Variants in VPS54 observed in about 807,000 individuals in gnomAD.
VPS54 encodes vacuolar protein sorting-associated protein 54.
A neutral mutation model predicts 121.5 loss-of-function variants in VPS54; 45 were observed. The ratio of observed to expected loss-of-function variants is 0.37; its 90% CI spans 0.29 to 0.47. The LOEUF is 0.47. VPS54 is among the 20% of genes least tolerant of loss of function. The pLI is 0.99. For synonymous variants in VPS54, 371 were observed against 385.8 expected (o/e 0.96, Z 0.45); for missense variants, 1,090 against 1,131.4 (o/e 0.96, Z 0.52).
In VPS54 at chr2:63,981,700, G is replaced by A. The variant is rs1355657326; in HGVS notation, c.324C>T (p.Tyr108=). 3 of 1,613,166 alleles carry A rather than the reference G, an allele frequency of 1.9e-6. No homozygotes were observed. Among genetic ancestry groups the A allele is most frequent in the Middle Eastern group, 1.7e-4 (1 of 6,054 alleles). ...FVDTEVIPSF[Y]LPQISKEHFT... is the part of the protein sequence containing the mutation. ...AATGTTCCTTGCTGATCTGTGGGAG[G>A]TAGAATGAAGGTATGACTTCAGTGT... is the stretch of plus-strand genomic sequence containing the variant. The change falls in exon 3 of 23, where the codon TAC becomes TAT. Residue 108 remains tyrosine (Y), a synonymous_variant. Coordinates refer to ENST00000272322, the MANE Select transcript of VPS54 (RefSeq NM_016516.3).
At chr2:63,924,422 A>G (rs1297085665) in intron 12 of VPS54, among the ~76,000 whole-genome samples, 4 of 152,248 alleles carry the variant, frequency 2.6e-5, no homozygotes. Flanking sequence ...GGTAACAGAG[A>G]ACTAAGAAAT....
At position 63,981,875 on chromosome 2, in the gene VPS54, C is replaced by T; in HGVS notation, c.149G>A (p.Ser50Asn). ...AACTAGAGATGGGGCAACATATAAA[C>T]TATGTGAATCACCTGCAAAAAGTAA... ...CPKEPTGDSH[S>N]LYVAPSLVTD... Residue 50 changes from serine (S) to asparagine (N), a missense_variant, in exon 3 of 23, where the codon AGT (serine) becomes AAT (asparagine). Ser to Asn is a conservative substitution (Grantham distance 46). This residue lies in a region of VPS54 where 801 missense variants were observed against 757.0 expected (regional missense o/e 1.06). Transcript: ENST00000272322. 6.2e-7 allele frequency: 1 copy of T among 1,610,100 alleles called. No individual in the cohort carries two copies. The highest frequency in any genetic ancestry group is 1.1e-5 in the South Asian group (1 of 90,290).
chr2:63,933,267 A>T (rs961989015), intron 12 of VPS54, among the ~76,000 whole-genome samples: 1 of 151,646 alleles, frequency 6.6e-6, no homozygotes, highest in Non-Finnish European at 1.5e-5. Context: ...TATAAATCAA[A>T]CAGATCTTCA....
intron 2 of VPS54, among the ~76,000 whole-genome samples, chr2:63,982,470 T>A (rs575898353): frequency 1.3e-5 from 2 of 152,214 alleles, no homozygotes; most frequent in Non-Finnish European, 2.9e-5. Context: ...CCACTGCTTG[T>A]AGGGAAACTA....
Position 63,955,850 on chromosome 2 carries a change from C to T in VPS54, c.1010+6208G>A, listed in dbSNP as rs867662360. 2.6e-5 allele frequency among the ~76,000 whole-genome samples: 4 copies of T among 151,946 alleles called. No homozygotes were observed. In the South Asian group the frequency reaches 6.2e-4, roughly 24 times the overall value. On this transcript the variant is annotated intron_variant, in intron 7 of 22. Coordinates refer to ENST00000272322, the MANE Select transcript of VPS54 (RefSeq NM_016516.3). ...ATAATGATGTATGCATTATTATTAA[C>T]CTTAACAAAAATATTTAAGATAAAT...
intron 1 of VPS54, among the ~76,000 whole-genome samples, chr2:63,993,894 C>A (rs1457157153): frequency 6.6e-6 from 1 of 152,194 alleles, no homozygotes; most frequent in Non-Finnish European, 1.5e-5. Context: ...TATACCTCTG[C>A]TCAAAAGGCA....
chr2:63,902,563 A>G (rs1032853124), intron 20 of VPS54, among the ~76,000 whole-genome samples: 2 of 152,214 alleles, frequency 1.3e-5, no homozygotes, highest in African/African-American at 4.8e-5. Context: ...ATTAAAAAAA[A>G]AACAAAATAT....
rs201054784 is a variant in VPS54, at chr2:63,972,191, G to A, written c.432C>T (p.Phe144=). 35 of 1,589,078 alleles carry A rather than the reference G, an allele frequency of 2.2e-5. No homozygotes were observed. Among genetic ancestry groups the A allele is most frequent in the East Asian group, 1.6e-4 (7 of 44,478 alleles). ...CATGAGTATGTAAAAGAGTCCTTTC[G>A]AAGGTATCTTTAGGAGGACAAATAT... The part of the protein sequence containing the change: ...CKNICPPKDT[F]ERTLLHTHDK... The change falls in exon 4 of 23, where the codon TTC becomes TTT. Residue 144 remains phenylalanine, a synonymous_variant. Coordinates refer to ENST00000272322, the MANE Select transcript of VPS54 (RefSeq NM_016516.3).
rs370421250 is a variant in VPS54 at position 63,947,347 on chromosome 2, C to G, written c.1245+36G>C. 7 of 1,489,684 alleles carry G rather than the reference C, an allele frequency of 4.7e-6. No homozygotes were observed. The African/African-American group carries it at 8.4e-5, about 18-fold the overall frequency. The allele number at this position is 1,489,684 out of a possible 1,614,324, so 92.3% of individuals were successfully genotyped here. A position where few individuals can be genotyped will look rare whatever the true frequency, so the allele number is the denominator to read the frequency against. On this transcript the variant is annotated intron_variant, in intron 9 of 22. Transcript: ENST00000272322. ...ATAAAAATAAACTTCACAAAGGTTC[C>G]AGACCAAAATATGTCAAATAAAAAT...
intron 4 of VPS54, among the ~76,000 whole-genome samples, chr2:63,970,306 T>TATAA (rs1676224377): frequency 7.1e-6 from 1 of 141,230 alleles, no homozygotes; most frequent in African/African-American, 2.8e-5. Context: ...TATATATAGA[T>TATAA]ATAGATAAAA....
intron 3 of VPS54, chr2:63,975,653 A>G (rs893576408): frequency 6.6e-6 from 1 of 152,158 alleles, no homozygotes; most frequent in African/African-American, 2.4e-5. Flanking sequence ...TGACCTGACC[A>G]ATCAGCACTG....
intron 20 of VPS54, among the ~76,000 whole-genome samples, chr2:63,903,625 C>G (rs1672781118): frequency 6.6e-6 from 1 of 151,898 alleles, no homozygotes; most frequent in Non-Finnish European, 1.5e-5. Flanking sequence ...AATAATAGCA[C>G]ACAGCAGGAG....
rs116539458 is a variant in VPS54 at position 64,013,205 on chromosome 2, C to T, written c.-21+5733G>A. ...TATAGTGATAGCCTGAAATCATGTGCCTCCTGATGTAATACAGCAGAAATA... is the reference window on the plus strand; with the variant it reads ...TATAGTGATAGCCTGAAATCATGTGTCTCCTGATGTAATACAGCAGAAATA... On this transcript the variant is annotated intron_variant, in intron 1 of 22. Coordinates refer to ENST00000272322, the MANE Select transcript of VPS54 (RefSeq NM_016516.3). Among the ~76,000 whole-genome samples the T allele has an allele frequency of 3.4e-3, 525 of 152,288 alleles. 9 individuals are homozygous for T. The highest frequency in any genetic ancestry group is 0.012 in the African/African-American group (499 of 41,554).
intron 9 of VPS54, among the ~76,000 whole-genome samples, chr2:63,945,399 G>A (rs190111834): frequency 1.7e-3 from 263 of 152,290 alleles, no homozygotes; most frequent in Middle Eastern, 3.4e-3. Flanking sequence ...GGAGAGTGGA[G>A]GGTGGGAGGA....
chr2:63,913,912 G>C (rs1026271803), intron 17 of VPS54: 13 of 1,212,100 alleles, frequency 1.1e-5, no homozygotes, highest in Non-Finnish European at 1.3e-5. Flanking sequence ...AGTGGCCTCA[G>C]TCATGTTCAG....
At chr2:63,898,349 G>A (rs1672530293) in intron 21 of VPS54, among the ~76,000 whole-genome samples, 1 of 152,160 alleles carries the variant, frequency 6.6e-6, no homozygotes, top group Non-Finnish European at 1.5e-5. Flanking sequence ...GCTTGGCTAA[G>A]AAGAAATTAG....
chr2:64,013,596 A>G (rs1199468757), intron 1 of VPS54, among the ~76,000 whole-genome samples: 1 of 146,100 alleles, frequency 6.8e-6, no homozygotes, highest in African/African-American at 2.5e-5. Flanking sequence ...ATATATATCA[A>G]TATATATCAT....
chr2:63,990,652 T>C (rs13014371), intron 1 of VPS54, among the ~76,000 whole-genome samples: 50,214 of 152,008 alleles, frequency 0.33, 9,777 homozygotes, highest in Non-Finnish European at 0.43. Flanking sequence ...TATCTACACA[T>C]GCTTTTCCTA....
intron 7 of VPS54, among the ~76,000 whole-genome samples, chr2:63,952,541 G>A (rs540512478): frequency 2.0e-5 from 3 of 152,060 alleles, no homozygotes; most frequent in Non-Finnish European, 4.4e-5. Flanking sequence ...TAAAAAATTA[G>A]TTAAAACCAT....
Sources: gnomAD v4.1 joint callset for allele counts (sites outside exome capture counted in the v4.1 genomes callset) on GRCh38, gnomAD v4.1.1 for gene constraint, gnomAD v4.1.1 regional missense constraint, MANE v1.5 for transcripts, NCBI Gene and HGNC (gene_info 2026-07-23, HGNC 2026-07-21) for gene names.